The following COQ5 variants were observed in gnomAD, a reference collection of about 807,000 sequenced individuals.
COQ5 encodes 2-methoxy-6-polyprenyl-1,4-benzoquinol methylase, mitochondrial.
In COQ5, 27 loss-of-function variants were observed where a neutral mutation model predicts 40.5. The ratio of observed to expected loss-of-function variants is 0.67; its 90% CI spans 0.49 to 0.92. The LOEUF (loss-of-function observed/expected upper bound fraction) is 0.92. COQ5 is among the 40% of genes least tolerant of loss of function. The pLI, the probability that COQ5 is intolerant of heterozygous loss-of-function variation, is 0.00. For synonymous variants in COQ5, 141 were observed against 150.0 expected (o/e 0.94, Z 0.44); for missense variants, 409 against 406.4 (o/e 1.01, Z -0.06).
chr12:120,524,216 A>G (rs911061871), intron 1 of COQ5, among the ~76,000 whole-genome samples: 2 of 152,122 alleles, frequency 1.3e-5, no homozygotes, highest in Admixed American at 6.6e-5. Context: ...CTAAAGAGAG[A>G]AAGAGTCTAC....
intron 3 of COQ5, among the ~76,000 whole-genome samples, chr12:120,515,192 A>C (rs1468198933): frequency 1.3e-5 from 2 of 152,062 alleles, no homozygotes; most frequent in African/African-American, 2.4e-5. Flanking sequence ...CCTGGATTCA[A>C]GTGATCCTCC....
At chr12:120,528,480 G>A (rs558633702) in intron 1 of COQ5, among the ~76,000 whole-genome samples, 1 of 152,254 alleles carries the variant, frequency 6.6e-6, no homozygotes, top group Admixed American at 6.5e-5. Flanking sequence ...CAAACGCTCA[G>A]TTGATGGGAT....
chr12:120,515,306 T>C (rs1869332930), intron 3 of COQ5, among the ~76,000 whole-genome samples: 1 of 151,958 alleles, frequency 6.6e-6, no homozygotes, highest in Non-Finnish European at 1.5e-5. Context: ...CCTAGGCTGG[T>C]CTTGAACTCC....
chr12:120,529,033 G>A lies in COQ5; in HGVS notation c.109C>T (p.Leu37=), dbSNP rs374127460. ...TGGGACAAGAGCCGAGCACTTAGTA[G>A]GTCCCCGGGCCAAGAGCTACGAAGC... ...LGLRSSWPGD[L]LSARLLSQEK... The change falls in exon 1 of 7, where the codon CTA becomes TTA. Residue 37 remains leucine, a synonymous_variant. Transcript: ENST00000288532. 1.3e-5 allele frequency: 21 copies of A among 1,613,976 alleles called. No homozygotes were observed. The highest frequency in any genetic ancestry group is 1.8e-5 in the Non-Finnish European group (21 of 1,180,032).
At chr12:120,523,082 T>TA in intron 1 of COQ5, 1 of 371,224 alleles carries the variant, frequency 2.7e-6, no homozygotes, top group Non-Finnish European at 4.8e-6. Flanking sequence ...CTCATGCCTG[T>TA]AATCCCAGCA....
intron 2 of COQ5, 51 bp downstream of exon 2, chr12:120,522,163 T>C (rs778296920): frequency 6.2e-7 from 1 of 1,605,076 alleles, no homozygotes; most frequent in South Asian, 1.1e-5. Flanking sequence ...GAGAGACTAA[T>C]TTCTGTAAAA....
intron 4 of COQ5, among the ~76,000 whole-genome samples, chr12:120,508,963 T>G (rs149590867): frequency 1.2e-3 from 180 of 151,356 alleles, no homozygotes; most frequent in African/African-American, 4.2e-3. Context: ...AGACAGAGGT[T>G]GTAGTGAGCC....
chr12:120,516,543 G>T, intron 3 of COQ5, 24 bp downstream of exon 3: 1 of 1,527,988 alleles, frequency 6.5e-7, no homozygotes, highest in Non-Finnish European at 9.1e-7. Flanking sequence ...TACTTCCCCT[G>T]TGTCTGCCTT....
Position 120,514,783 on chromosome 12 carries a change from A to AC in COQ5, c.574+1783_574+1784insG, listed in dbSNP as rs56172391. On this transcript the variant is annotated intron_variant, in intron 3 of 6. Coordinates refer to ENST00000288532, the MANE Select transcript of COQ5 (RefSeq NM_032314.4). ...AACAACAACAACAACAACAACAACAAAAACTGGGCCAACAGGGTGCAGTTG... is the reference window on the plus strand; with the variant it reads ...AACAACAACAACAACAACAACAACAACAAACTGGGCCAACAGGGTGCAGTTG... Among the ~76,000 whole-genome samples the AC allele has an allele frequency of 2.6e-5, 4 of 151,386 alleles. No individual in the cohort carries two copies. The East Asian group carries it at 5.8e-4, about 22-fold the overall frequency.
intron 1 of COQ5, among the ~76,000 whole-genome samples, chr12:120,528,686 C>T (rs1475095279): frequency 6.6e-6 from 1 of 151,946 alleles, no homozygotes; most frequent in Non-Finnish European, 1.5e-5. Flanking sequence ...CGCCTGTAAT[C>T]CCAGCTACTC....
chr12:120,504,731 G>T, intron 5 of COQ5, 164 bp downstream of exon 5: 1 of 691,216 alleles, frequency 1.4e-6, no homozygotes, highest in Non-Finnish European at 2.6e-6. Flanking sequence ...CTTGGGTCTG[G>T]TTTGAGACTC....
At chr12:120,515,550 G>A (rs1403372805) in intron 3 of COQ5, among the ~76,000 whole-genome samples, 1 of 152,188 alleles carries the variant, frequency 6.6e-6, no homozygotes, top group Non-Finnish European at 1.5e-5. Flanking sequence ...TGTATCAGAT[G>A]GGTCCTCTGA....
chr12:120,523,838 T>C (rs1387974201), intron 1 of COQ5: 1 of 325,860 alleles, frequency 3.1e-6, no homozygotes, highest in East Asian at 1.2e-4. Context: ...GGCAAAACCC[T>C]GTCTCTAGTA....
intron 3 of COQ5, among the ~76,000 whole-genome samples, chr12:120,511,009 G>A (rs547870979): frequency 1.3e-5 from 2 of 152,128 alleles, no homozygotes; most frequent in East Asian, 1.9e-4. Context: ...GGTGGCTCAC[G>A]CCTGAAATCC....
chr12:120,520,212 C>A (rs960578174), intron 2 of COQ5, among the ~76,000 whole-genome samples: 1 of 151,822 alleles, frequency 6.6e-6, no homozygotes, highest in Non-Finnish European at 1.5e-5. Context: ...GGCACAATCT[C>A]GGCTCACTGC....
chr12:120,505,926 G>GCTCA (rs1356384068), intron 4 of COQ5, among the ~76,000 whole-genome samples: 17 of 151,904 alleles, frequency 1.1e-4, no homozygotes, highest in African/African-American at 4.1e-4. Flanking sequence ...CATGATCTCA[G>GCTCA]CTCACTGCAA....
intron 3 of COQ5, among the ~76,000 whole-genome samples, chr12:120,513,291 C>A (rs1438701538): frequency 6.7e-6 from 1 of 149,926 alleles, no homozygotes; most frequent in Non-Finnish European, 1.5e-5. Flanking sequence ...ATCACAAGGT[C>A]AGGAGATCGA....
At chr12:120,511,944 G>C (rs942386989) in intron 3 of COQ5, among the ~76,000 whole-genome samples, 1 of 152,204 alleles carries the variant, frequency 6.6e-6, no homozygotes, top group South Asian at 2.1e-4. Flanking sequence ...GGGTGTGGTG[G>C]CTCACGCCTG....
intron 3 of COQ5, 137 bp downstream of exon 3, chr12:120,516,430 C>T: frequency 1.3e-6 from 1 of 792,020 alleles, no homozygotes; most frequent in Non-Finnish European, 2.2e-6. Flanking sequence ...TAGATTCAGC[C>T]ATGCAAATCA....
Sources: allele counts gnomAD v4.1 joint callset (sites outside exome capture counted in the v4.1 genomes callset), GRCh38; gene constraint gnomAD v4.1.1; transcripts MANE v1.5; gene names NCBI Gene and HGNC (gene_info 2026-07-23, HGNC 2026-07-21).